The following SPHK1 variants were observed in gnomAD, a reference collection of about 807,000 sequenced individuals.
SPHK1 encodes the protein SK 1.
A neutral mutation model predicts 14.6 loss-of-function variants in SPHK1; 10 were observed. That is an observed-to-expected ratio of 0.68 (90% CI 0.42 to 1.16). The LOEUF is 1.16. Among genes scored for constraint, SPHK1 ranks in the 50% most tolerant of loss-of-function variants. SPHK1 has a pLI of 0.00. For synonymous variants in SPHK1, 274 were observed against 224.0 expected (o/e 1.22, Z -1.99); for missense variants, 553 against 525.4 (o/e 1.05, Z -0.51).
Position 76,385,932 on chromosome 17 carries a change from T to G in SPHK1, c.11-53T>G. On this transcript the variant is annotated intron_variant, in intron 2 of 5. Coordinates refer to ENST00000592299, the MANE Select transcript of SPHK1 (RefSeq NM_001142601.2). The surrounding 1 kb of genome is among the most constrained non-coding windows in gnomAD (Gnocchi z 5.3). The stretch of plus-strand genomic sequence containing the variant: ...CACACTAGTGCCCCATTGTTACCCG[T>G]GGCCCCCTAGTGGTCGGTTGCGGAC... 1 of 1,551,574 alleles carries G rather than the reference T, an allele frequency of 6.4e-7. No homozygotes were observed.
chr17:76,386,817 T>A lies in SPHK1; in HGVS notation c.386T>A (p.Val129Asp). The change falls in exon 6 of 6, where the codon GTC becomes GAC. Residue 129 changes from valine to aspartate, a missense_variant. By Grantham distance (152) the Val-to-Asp change is radical. Coordinates refer to ENST00000592299, the MANE Select transcript of SPHK1 (RefSeq NM_001142601.2). This position sits in a 1 kb window ranked among gnomAD's most constrained non-coding sequence, Gnocchi z 5.3. ...TTTTCCCCCTGCAGCTATGAGCAGG[T>A]CACCAATGAAGACCTCCTGACCAAC... ...SLNHYAGYEQ[V>D]TNEDLLTNCT... 6.5e-7 allele frequency: 1 copy of A among 1,549,860 alleles called. No homozygotes were observed. Among genetic ancestry groups the A allele is most frequent in the Non-Finnish European group, 8.7e-7 (1 of 1,145,962 alleles).
chr17:76,383,929 C>A, upstream of SPHK1: 1 of 1,175,256 alleles, frequency 8.5e-7, no homozygotes, highest in South Asian at 1.5e-5. Flanking sequence ...GAGCCCCCGG[C>A]CTGTCGCCTG....
At chr17:76,383,785 T>C (rs2071909159), upstream of SPHK1, 13 of 1,246,386 alleles carry the variant, frequency 1.0e-5, no homozygotes, top group Non-Finnish European at 1.4e-5. Context: ...AGTGACAACT[T>C]CTGAGCGCGT....
rs1407687659 is a variant in SPHK1 at position 76,386,958 on chromosome 17, A to T, written c.527A>T (p.Asp176Val). The change falls in exon 6 of 6, where the codon GAT becomes GTT. Residue 176 changes from aspartate (D) to valine (V), a missense_variant. Coordinates refer to ENST00000592299, the MANE Select transcript of SPHK1 (RefSeq NM_001142601.2). The surrounding 1 kb of genome is among the most constrained non-coding windows in gnomAD (Gnocchi z 5.3). ...AGCCTGGCCTGGGGCTTCATTGCTGATGTGGACCTAGAGAGTGAGAAGTAT... is the reference window on the plus strand; with the variant it reads ...AGCCTGGCCTGGGGCTTCATTGCTGTTGTGGACCTAGAGAGTGAGAAGTAT... ...VLSLAWGFIA[D>V]VDLESEKYRR... is the part of the protein sequence containing the mutation. 6.2e-7 allele frequency: 1 copy of T among 1,613,428 alleles called. No individual in the cohort carries two copies. Among genetic ancestry groups the T allele is most frequent in the African/African-American group, 1.3e-5 (1 of 74,892 alleles).
rs1171024056 is a variant in SPHK1 at position 76,387,727 on chromosome 17, G to A, written c.*141G>A. The A allele has an allele frequency of 2.0e-6, 2 of 1,022,198 alleles. No individual in the cohort carries two copies. The highest frequency in any genetic ancestry group is 2.7e-6 in the Non-Finnish European group (2 of 727,422). The allele number at this position is 1,022,198 out of a possible 1,614,324, so 63.3% of individuals were successfully genotyped here. Reference sequence around the variant, plus strand: ...TGAGAAGGTGGAGGCTATGCTTTGGGGGGACAGGCCAGAATGAAGTCCTGG... The same window carrying A: ...TGAGAAGGTGGAGGCTATGCTTTGGAGGGACAGGCCAGAATGAAGTCCTGG... On this transcript the variant is annotated 3_prime_UTR_variant, in exon 6 of 6. Transcript: ENST00000592299. This position sits in a 1 kb window ranked among gnomAD's most constrained non-coding sequence, Gnocchi z 4.1.
rs865789690 is a variant in SPHK1 at position 76,385,164 on chromosome 17, C to T, written c.-194-287C>T. Reference sequence around the variant, plus strand: ...TGGACTCCCCTCCCCCTGGCAGCCCCGAGGGGTGAGGAGCTAGTCCGTCGG... The same window carrying T: ...TGGACTCCCCTCCCCCTGGCAGCCCTGAGGGGTGAGGAGCTAGTCCGTCGG... On this transcript the variant is annotated intron_variant, in intron 1 of 5. Transcript: ENST00000592299. The surrounding 1 kb of genome is among the most constrained non-coding windows in gnomAD (Gnocchi z 5.3). 3 of 1,592,262 alleles carry T rather than the reference C, an allele frequency of 1.9e-6. No individual in the cohort carries two copies. The highest frequency in any genetic ancestry group is 1.7e-6 in the Non-Finnish European group (2 of 1,171,050).
chr17:76,386,651 G>A lies in SPHK1; in HGVS notation c.374+143G>A. 1 of 1,157,112 alleles carries A rather than the reference G, an allele frequency of 8.6e-7. No individual in the cohort carries two copies. The highest frequency in any genetic ancestry group is 1.2e-6 in the Non-Finnish European group (1 of 829,928). 71.7% of individuals were successfully genotyped at this position (1,157,112 alleles called of 1,614,324 possible). On this transcript the variant is annotated intron_variant, in intron 5 of 5. Coordinates refer to ENST00000592299, the MANE Select transcript of SPHK1 (RefSeq NM_001142601.2). This position sits in a 1 kb window ranked among gnomAD's most constrained non-coding sequence, Gnocchi z 5.3. The stretch of plus-strand genomic sequence containing the variant: ...CTGGGGCCCTCTCCTGGTGACCCCA[G>A]CTGACTGCTTCCATTTGCTCCATCT...
Position 76,386,445 on chromosome 17 carries a change from C to A in SPHK1, c.311C>A (p.Pro104His), listed in dbSNP as rs368503573. The change falls in exon 5 of 6, where the codon CCC (proline) becomes CAC (histidine). Residue 104 changes from proline to histidine, a missense_variant. Coordinates refer to ENST00000592299, the MANE Select transcript of SPHK1 (RefSeq NM_001142601.2). This position sits in a 1 kb window ranked among gnomAD's most constrained non-coding sequence, Gnocchi z 5.3. ...RPDWETAIQK[P>H]LCSLPAGSGN... is the part of the protein sequence containing the mutation. ...GACTGGGAGACCGCCATCCAGAAGCCCCTGTGTAGCCTCCCAGCAGGCTCT... is the reference window on the plus strand; with the variant it reads ...GACTGGGAGACCGCCATCCAGAAGCACCTGTGTAGCCTCCCAGCAGGCTCT... 2 of 1,612,986 alleles carry A rather than the reference C, an allele frequency of 1.2e-6. No individual in the cohort carries two copies. Among genetic ancestry groups the A allele is most frequent in the African/African-American group, 1.3e-5 (1 of 74,938 alleles).
At chr17:76,383,848 C>A, upstream of SPHK1, 2 of 1,285,360 alleles carry the variant, frequency 1.6e-6, no homozygotes, top group South Asian at 2.5e-5. Flanking sequence ...GCACGTACCA[C>A]ATGCTTGGCT....
At chr17:76,384,908 G>A (rs1039906033) in intron 1 of SPHK1, 102 bp downstream of exon 1, 2 of 520,834 alleles carry the variant, frequency 3.8e-6, no homozygotes, top group Non-Finnish European at 6.5e-6. Flanking sequence ...GCGAGAGCAG[G>A]CGGCAGCTGG....
chr17:76,385,871 G>A lies in SPHK1; in HGVS notation c.11-114G>A. On this transcript the variant is annotated intron_variant, in intron 2 of 5. Transcript: ENST00000592299. The surrounding 1 kb of genome is among the most constrained non-coding windows in gnomAD (Gnocchi z 5.3). The stretch of plus-strand genomic sequence containing the variant: ...CCAGCAAAGGCCGCTCCTCTGGCCA[G>A]GGTCAATTACCGGGGTGTTTCGGGC... 6.7e-7 allele frequency: 1 copy of A among 1,489,700 alleles called. No individual in the cohort carries two copies. 92.3% of individuals were successfully genotyped at this position (1,489,700 alleles called of 1,614,324 possible).
In SPHK1 at chr17:76,385,442, C is replaced by T; in HGVS notation, c.-194-9C>T. On this transcript the variant is annotated splice_polypyrimidine_tract_variant and intron_variant, in intron 1 of 5. Transcript: ENST00000592299. The surrounding 1 kb of genome is among the most constrained non-coding windows in gnomAD (Gnocchi z 5.3). Reference sequence around the variant, plus strand: ...CCGGACTCCGCCAGCGCTGTCTTCTCTCCCTCAGGTCCAGCCGCCGCAGGG... The same window carrying T: ...CCGGACTCCGCCAGCGCTGTCTTCTTTCCCTCAGGTCCAGCCGCCGCAGGG... 1 of 1,527,200 alleles carries T rather than the reference C, an allele frequency of 6.5e-7. No homozygotes were observed. Among genetic ancestry groups the T allele is most frequent in the Non-Finnish European group, 8.7e-7 (1 of 1,142,932 alleles). 94.6% of individuals were successfully genotyped at this position (1,527,200 alleles called of 1,614,324 possible). A position where few individuals can be genotyped will look rare whatever the true frequency, so the allele number is the denominator to read the frequency against.
At chr17:76,384,510 CGGCGCGCTGAGGCCGGA>C (rs1381231049), upstream of SPHK1, 1 of 150,458 alleles carries the variant, frequency 6.6e-6, no homozygotes, top group Admixed American at 6.6e-5. Context: ...GTGCCGGAGG[CGGCGCGCTGAGGCCGGA>C]GGCGGGCAGA....
At position 76,385,935 on chromosome 17, in the gene SPHK1, C is replaced by A; in HGVS notation, c.11-50C>A. 3 of 1,554,174 alleles carry A rather than the reference C, an allele frequency of 1.9e-6. No homozygotes were observed. The highest frequency in any genetic ancestry group is 2.6e-6 in the Non-Finnish European group (3 of 1,147,122). On this transcript the variant is annotated intron_variant, in intron 2 of 5. Coordinates refer to ENST00000592299, the MANE Select transcript of SPHK1 (RefSeq NM_001142601.2). This position sits in a 1 kb window ranked among gnomAD's most constrained non-coding sequence, Gnocchi z 5.3. ...ACTAGTGCCCCATTGTTACCCGTGG[C>A]CCCCTAGTGGTCGGTTGCGGACGTG...
chr17:76,384,847 T>G, intron 1 of SPHK1, 41 bp downstream of exon 1: 1 of 376,398 alleles, frequency 2.7e-6, no homozygotes, highest in Non-Finnish European at 4.7e-6. Context: ...TCGTGGCTCC[T>G]GTGCGGCCCG....
rs1338104268 is a variant in SPHK1, at chr17:76,387,377, T to TGCC, written c.947_949dup (p.Cys316_Pro317insArg). ...GAAGGGCAGGCATATGGAGTATGAA[T>TGCC]GCCCCTACTTGGTATATGTGCCCGT... On this transcript the variant is annotated inframe_insertion, in exon 6 of 6. Transcript: ENST00000592299. The surrounding 1 kb of genome is among the most constrained non-coding windows in gnomAD (Gnocchi z 4.1). 6.2e-7 allele frequency: 1 copy of TGCC among 1,613,790 alleles called. No individual in the cohort carries two copies. Among genetic ancestry groups the TGCC allele is most frequent in the Non-Finnish European group, 8.5e-7 (1 of 1,180,030 alleles).
upstream of SPHK1, chr17:76,383,945 C>T (rs1367716766): frequency 6.4e-6 from 7 of 1,096,408 alleles, no homozygotes; most frequent in Non-Finnish European, 8.0e-6. Context: ...GCCTGCTCTA[C>T]CCGGGACAGC....
rs765725834 is a variant in SPHK1, at chr17:76,386,146, C to T, written c.163+9C>T. 1 of 1,591,774 alleles carries T rather than the reference C, an allele frequency of 6.3e-7. No individual in the cohort carries two copies. The highest frequency in any genetic ancestry group is 8.6e-7 in the Non-Finnish European group (1 of 1,169,354). On this transcript the variant is annotated intron_variant, in intron 3 of 5. Coordinates refer to ENST00000592299, the MANE Select transcript of SPHK1 (RefSeq NM_001142601.2). This position sits in a 1 kb window ranked among gnomAD's most constrained non-coding sequence, Gnocchi z 5.3. Reference sequence around the variant, plus strand: ...CACGCTGATGCTCACTGGTGAGTACCTCTCGGAGGGGGTTTCGGGAGCATC... The same window carrying T: ...CACGCTGATGCTCACTGGTGAGTACTTCTCGGAGGGGGTTTCGGGAGCATC...
At position 76,386,312 on chromosome 17, in the gene SPHK1, C is replaced by G; in HGVS notation, c.255C>G (p.His85Gln). The G allele has an allele frequency of 6.2e-7, 1 of 1,605,452 alleles. No individual in the cohort carries two copies. Among genetic ancestry groups the G allele is most frequent in the Non-Finnish European group, 8.5e-7 (1 of 1,179,136 alleles). The change falls in exon 4 of 6, where the codon CAC (histidine) becomes CAG (glutamine). Residue 85 changes from histidine to glutamine, a missense_variant. Coordinates refer to ENST00000592299, the MANE Select transcript of SPHK1 (RefSeq NM_001142601.2). The surrounding 1 kb of genome is among the most constrained non-coding windows in gnomAD (Gnocchi z 5.3). ...TCATGTCTGGAGACGGGCTGATGCACGAGGTGAGGACCGCACTGCGCGGCT... is the reference window on the plus strand; with the variant it reads ...TCATGTCTGGAGACGGGCTGATGCAGGAGGTGAGGACCGCACTGCGCGGCT... ...LVVMSGDGLM[H>Q]EVVNGLMERP...
Sources: gnomAD v4.1 joint callset for allele counts on GRCh38, gnomAD v4.1.1 for gene constraint, Gnocchi (gnomAD v3.1) non-coding constraint, MANE v1.5 for transcripts, NCBI Gene and HGNC (gene_info 2026-07-23, HGNC 2026-07-21) for gene names.